KCNJ4: variants seen among roughly 807,000 people sequenced by gnomAD.
KCNJ4 encodes the protein inward rectifier potassium channel 4.
KCNJ4 carries 3 observed loss-of-function variants against 25.6 expected under a neutral mutation model. The observed-to-expected ratio is 0.12, with a 90% CI of 0.05 to 0.30. The LOEUF (loss-of-function observed/expected upper bound fraction) is 0.30. Among genes scored for constraint, KCNJ4 ranks in the 10% least tolerant of loss-of-function variants. The pLI is 1.00. For missense variants in KCNJ4, 286 were observed against 666.8 expected, an observed-to-expected ratio of 0.43 and a Z score of 6.29; for synonymous variants, 257 against 283.9, an observed-to-expected ratio of 0.91 and a Z score of 0.95.
rs532326136 is a variant in KCNJ4, at chr22:38,445,895, G to A, written c.-40+9085C>T. Among the ~76,000 whole-genome samples, 14 of 152,168 alleles carry A rather than the reference G, an allele frequency of 9.2e-5. No homozygotes were observed. The East Asian group carries it at 1.9e-3, about 21-fold the overall frequency. ...CTGTGACGGGCGGTGCTTGGACTCC[G>A]GGCTTTGTGACACACAACCATGTGG... On this transcript the variant is annotated intron_variant, in intron 1 of 1. Coordinates refer to ENST00000303592, the MANE Select transcript of KCNJ4 (RefSeq NM_152868.3).
At chr22:38,435,101 C>T (rs1371054058) in intron 1 of KCNJ4, among the ~76,000 whole-genome samples, 1 of 152,236 alleles carries the variant, frequency 6.6e-6, no homozygotes, top group Admixed American at 6.5e-5. Context: ...AGTTCCTTCC[C>T]TCTGTCTGCA....
In KCNJ4 at chr22:38,426,992, T is replaced by A. The variant is rs201505460; in HGVS notation, c.1141A>T (p.Ser381Cys). 2 of 1,612,394 alleles carry A rather than the reference T, an allele frequency of 1.2e-6. No individual in the cohort carries two copies. Among genetic ancestry groups the A allele is most frequent in the Non-Finnish European group, 1.7e-6 (2 of 1,179,780 alleles). Reference sequence around the variant, plus strand: ...TCCTCCATCTCCTCTTCCTCCTGGCTCATAAGGGCCAGCTCGTTCTCGTAG... The same window carrying A: ...TCCTCCATCTCCTCTTCCTCCTGGCACATAAGGGCCAGCTCGTTCTCGTAG... ...FCYENELALMSQEEEEMEEEA... is the reference protein window; with the variant it reads ...FCYENELALMCQEEEEMEEEA... The change falls in exon 2 of 2, where the codon AGC (serine) becomes TGC (cysteine). Residue 381 changes from serine to cysteine, a missense_variant. This residue lies in a region of KCNJ4 where 77 missense variants were observed against 97.6 expected (regional missense o/e 0.79). Transcript: ENST00000303592.
chr22:38,435,033 C>G (rs2145936795), intron 1 of KCNJ4, among the ~76,000 whole-genome samples: 1 of 152,328 alleles, frequency 6.6e-6, no homozygotes, highest in South Asian at 2.1e-4. Flanking sequence ...GAATGCTGGA[C>G]TGGGAGCTGG....
chr22:38,446,971 G>A (rs1363113424), intron 1 of KCNJ4, among the ~76,000 whole-genome samples: 137 of 142,218 alleles, frequency 9.6e-4, no homozygotes, highest in African/African-American at 3.2e-3. Context: ...AAAAAAAAAA[G>A]AAACAGAGGC....
intron 1 of KCNJ4, among the ~76,000 whole-genome samples, chr22:38,430,162 G>C (rs990590437): frequency 2.0e-5 from 3 of 152,174 alleles, no homozygotes; most frequent in Admixed American, 1.3e-4. Context: ...TCCACTGTGT[G>C]ACTTGGGCGA....
At chr22:38,430,498 G>A (rs999749615) in intron 1 of KCNJ4, among the ~76,000 whole-genome samples, 7 of 151,926 alleles carry the variant, frequency 4.6e-5, no homozygotes, top group African/African-American at 1.5e-4. Context: ...GTGAGACTTC[G>A]TCTCGAAAAA....
At chr22:38,431,234 A>C (rs1405548079) in intron 1 of KCNJ4, among the ~76,000 whole-genome samples, 1 of 152,192 alleles carries the variant, frequency 6.6e-6, no homozygotes, top group Non-Finnish European at 1.5e-5. Flanking sequence ...CTGGTGCTGC[A>C]GACGAGATCT....
rs766421750 is a variant in KCNJ4 at position 38,427,164 on chromosome 22, G to A, written c.969C>T (p.Phe323=). 5.6e-6 allele frequency: 9 copies of A among 1,613,188 alleles called. No homozygotes were observed. Among genetic ancestry groups the A allele is most frequent in the East Asian group, 4.5e-5 (2 of 44,866 alleles). ...LWGHRFEPVV[F]EEKSHYKVDY... ...CCACCTTGTAGTGGCTCTTCTCCTC[G>A]AAGACCACAGGCTCAAAGCGGTGGC... The change falls in exon 2 of 2, where the codon TTC becomes TTT. Residue 323 remains phenylalanine (F), a synonymous_variant. Coordinates refer to ENST00000303592, the MANE Select transcript of KCNJ4 (RefSeq NM_152868.3).
chr22:38,434,439 C>G (rs1232151606), intron 1 of KCNJ4, among the ~76,000 whole-genome samples: 5 of 152,172 alleles, frequency 3.3e-5, no homozygotes, highest in Non-Finnish European at 5.9e-5. Context: ...TATTAAGCAC[C>G]TACCACAGTA....
intron 1 of KCNJ4, among the ~76,000 whole-genome samples, chr22:38,438,239 CA>C (rs57825965): frequency 6.7e-3 from 152 of 22,666 alleles, no homozygotes; most frequent in African/African-American, 0.017. Context: ...TACTCTGTCT[CA>C]AAAAAAAAAA....
At chr22:38,436,347 G>T (rs2145938030) in intron 1 of KCNJ4, among the ~76,000 whole-genome samples, 1 of 152,276 alleles carries the variant, frequency 6.6e-6, no homozygotes, top group South Asian at 2.1e-4. Context: ...ACAGGGCCCT[G>T]CCCAGTTTGT....
chr22:38,442,297 C>T (rs1305741445), intron 1 of KCNJ4, among the ~76,000 whole-genome samples: 1 of 152,026 alleles, frequency 6.6e-6, no homozygotes, highest in South Asian at 2.1e-4. Flanking sequence ...GCCTGTAATC[C>T]CAGCACTTTG....
At chr22:38,442,888 G>A (rs1450269651) in intron 1 of KCNJ4, among the ~76,000 whole-genome samples, 1 of 152,140 alleles carries the variant, frequency 6.6e-6, no homozygotes, top group Non-Finnish European at 1.5e-5. Flanking sequence ...GACTTGAGGT[G>A]TGTGCTGCCA....
chr22:38,437,829 G>A (rs868042086), intron 1 of KCNJ4, among the ~76,000 whole-genome samples: 4 of 152,042 alleles, frequency 2.6e-5, no homozygotes, highest in African/African-American at 7.2e-5. Flanking sequence ...GAGGTCGGGC[G>A]CAGTGGCTCA....
At chr22:38,433,394 C>T (rs528691648) in intron 1 of KCNJ4, among the ~76,000 whole-genome samples, 1 of 152,178 alleles carries the variant, frequency 6.6e-6, no homozygotes, top group South Asian at 2.1e-4. Context: ...TGCAGTGAGC[C>T]GAGATCGTGT....
chr22:38,453,797 C>T (rs1270007153), intron 1 of KCNJ4, among the ~76,000 whole-genome samples: 1 of 152,220 alleles, frequency 6.6e-6, no homozygotes, highest in Non-Finnish European at 1.5e-5. Flanking sequence ...TGGAACACCC[C>T]AGAAAGAGTC....
intron 1 of KCNJ4, among the ~76,000 whole-genome samples, chr22:38,446,996 ACGGGGCAGGGGGT>A (rs2089379487): frequency 6.6e-5 from 10 of 150,888 alleles, no homozygotes; most frequent in African/African-American, 2.2e-4. Flanking sequence ...GCCCACCCTT[ACGGGGCAGGGGGT>A]AAAGGCTCAG....
At chr22:38,447,949 A>T (rs1227968781) in intron 1 of KCNJ4, among the ~76,000 whole-genome samples, 1 of 151,710 alleles carries the variant, frequency 6.6e-6, no homozygotes, top group Admixed American at 6.6e-5. Flanking sequence ...CTGTAGTCCC[A>T]GCTACTCGGG....
intron 1 of KCNJ4, among the ~76,000 whole-genome samples, chr22:38,450,996 T>C (rs561328629): frequency 1.1e-3 from 172 of 152,162 alleles, no homozygotes; most frequent in African/African-American, 3.9e-3. Context: ...TGTGTGACCC[T>C]GGACAAATCA....
Sources: allele counts gnomAD v4.1 joint callset (sites outside exome capture counted in the v4.1 genomes callset), GRCh38; gene constraint gnomAD v4.1.1; regional missense constraint gnomAD v4.1.1; transcripts MANE v1.5; gene names NCBI Gene and HGNC (gene_info 2026-07-23, HGNC 2026-07-21).